PCDHGA3: variants seen among roughly 807,000 people sequenced by gnomAD.
PCDHGA3 encodes the protein protocadherin gamma subfamily A, 3.
A neutral mutation model predicts 58.5 loss-of-function variants in PCDHGA3; 40 were observed. The ratio of observed to expected loss-of-function variants is 0.68; its 90% CI spans 0.53 to 0.89. The LOEUF (loss-of-function observed/expected upper bound fraction) is 0.89, where lower values mean the gene tolerates loss of function less well. PCDHGA3 is among the 40% of genes least tolerant of loss of function. The pLI is 0.00. For missense variants in PCDHGA3, 1,223 were observed against 1,195.9 expected, an observed-to-expected ratio of 1.02 and a Z score of -0.33; for synonymous variants, 530 against 525.7, an observed-to-expected ratio of 1.01 and a Z score of -0.11.
chr5:141,415,752 T>G lies in PCDHGA3; in HGVS notation c.2424+69295T>G, dbSNP rs981275270. ...GATGTTTATTAAGGTTTTTTTTTTT[T>G]TTTTTTTTTTTTTTTTTTTTACTTT... On this transcript the variant is annotated intron_variant, in intron 1 of 3. Transcript: ENST00000253812. 5.6e-5 allele frequency: 77 copies of G among 1,372,446 alleles called. No individual in the cohort carries two copies. In the East Asian group the frequency reaches 6.8e-4, roughly 12 times the overall value. 85.0% of individuals were successfully genotyped at this position (1,372,446 alleles called of 1,614,324 possible).
intron 1 of PCDHGA3, among the ~76,000 whole-genome samples, chr5:141,472,178 A>G (rs1337942457): frequency 6.6e-6 from 1 of 152,210 alleles, no homozygotes; most frequent in African/African-American, 2.4e-5. Flanking sequence ...AATATCCAGT[A>G]TTGGAATTTG....
intron 1 of PCDHGA3, chr5:141,419,306 C>A: frequency 1.9e-6 from 3 of 1,614,032 alleles, no homozygotes; most frequent in Non-Finnish European, 2.5e-6. Context: ...AGACTTCGGG[C>A]TCAACGGCCG....
chr5:141,346,365 A>G lies in PCDHGA3; in HGVS notation c.2332A>G (p.Thr778Ala), dbSNP rs777812377. The change falls in exon 1 of 4, where the codon ACG becomes GCG. Residue 778 changes from threonine (T) to alanine (A), a missense_variant. Physicochemically the swap from Thr to Ala is moderately conservative, Grantham distance 58. Transcript: ENST00000253812. ...TTTCCCCCAGCCCAACTATGCGGAC[A>G]CGCTCATCAGCCAGGAGAGCTGTGA... ...LIFPQPNYAD[T>A]LISQESCEKS... 2 of 1,614,246 alleles carry G rather than the reference A, an allele frequency of 1.2e-6. No individual in the cohort carries two copies.
At chr5:141,436,439 A>G (rs1481744238) in intron 1 of PCDHGA3, among the ~76,000 whole-genome samples, 5 of 152,208 alleles carry the variant, frequency 3.3e-5, no homozygotes, top group African/African-American at 1.2e-4. Flanking sequence ...TCTGGGGATT[A>G]CCTGATACCA....
intron 1 of PCDHGA3, chr5:141,356,491 C>A: frequency 6.2e-7 from 1 of 1,613,958 alleles, no homozygotes; most frequent in South Asian, 1.1e-5. Flanking sequence ...GGGAACTCCT[C>A]CACTGTCTAC....
intron 1 of PCDHGA3, chr5:141,388,986 A>G (rs756279125): frequency 2.5e-6 from 4 of 1,613,952 alleles, no homozygotes; most frequent in Non-Finnish European, 3.4e-6. Flanking sequence ...TGCTTTGCTC[A>G]AAGTCCGTGA....
chr5:141,489,636 C>A lies in PCDHGA3; in HGVS notation c.2425-5171C>A, dbSNP rs753380268. 3.8e-5 allele frequency: 62 copies of A among 1,614,074 alleles called. No individual in the cohort carries two copies. The highest frequency in any genetic ancestry group is 5.1e-5 in the Non-Finnish European group (60 of 1,180,038). ...TGGATCTCAATGACAACTCTCCTAG[C>A]TTTGCCACCCCTGAGCGAGAGATGC... is the stretch of plus-strand genomic sequence containing the variant. On this transcript the variant is annotated intron_variant, in intron 1 of 3. Coordinates refer to ENST00000253812, the MANE Select transcript of PCDHGA3 (RefSeq NM_018916.4). The surrounding 1 kb of genome is among the most constrained non-coding windows in gnomAD (Gnocchi z 4.5).
At chr5:141,389,405 G>T (rs758428464) in intron 1 of PCDHGA3, 1 of 1,613,496 alleles carries the variant, frequency 6.2e-7, no homozygotes, top group South Asian at 1.1e-5. Context: ...CCATAAGCGC[G>T]GAGAGCGGGG....
chr5:141,479,021 T>C (rs72790064), intron 1 of PCDHGA3, among the ~76,000 whole-genome samples: 1,892 of 152,352 alleles, frequency 0.012, 20 homozygotes, highest in Non-Finnish European at 0.018. Context: ...TAATTTTCCT[T>C]TGTTTATACA....
chr5:141,509,273 C>T (rs1026035086), intron 3 of PCDHGA3, among the ~76,000 whole-genome samples: 1 of 152,098 alleles, frequency 6.6e-6, no homozygotes, highest in Admixed American at 6.5e-5. Flanking sequence ...CTCTCGCTAC[C>T]CGCTCCCAGG....
At chr5:141,357,106 GAC>G in intron 1 of PCDHGA3, 1 of 1,613,886 alleles carries the variant, frequency 6.2e-7, no homozygotes, top group Non-Finnish European at 8.5e-7. Context: ...GCTGGACAGA[GAC>G]GCGCTCAAGC....
At chr5:141,394,982 C>CCTGCTCCA (rs2093142772) in intron 1 of PCDHGA3, 2 of 1,613,866 alleles carry the variant, frequency 1.2e-6, no homozygotes, top group South Asian at 2.2e-5. Flanking sequence ...ACAAGTCACG[C>CCTGCTCCA]CTGCTCCAGG....
chr5:141,478,711 T>C, intron 1 of PCDHGA3: 3 of 1,547,346 alleles, frequency 1.9e-6, no homozygotes, highest in Non-Finnish European at 1.7e-6. Flanking sequence ...CTTTGTGAGA[T>C]GGTGGCCTGC....
At chr5:141,399,376 A>T in intron 1 of PCDHGA3, 1 of 1,613,956 alleles carries the variant, frequency 6.2e-7, no homozygotes, top group Non-Finnish European at 8.5e-7. Context: ...GTACAATGTC[A>T]CCATCACAGC....
intron 1 of PCDHGA3, chr5:141,350,423 A>G: frequency 6.2e-7 from 1 of 1,607,140 alleles, no homozygotes; most frequent in East Asian, 2.2e-5. Context: ...TCTGGGGCTC[A>G]GTGTCCGGGA....
chr5:141,404,289 A>G (rs552765425), intron 1 of PCDHGA3: 15 of 1,614,006 alleles, frequency 9.3e-6, no homozygotes, highest in East Asian at 4.5e-5. Flanking sequence ...ACTGACATCA[A>G]TGATAATCCA....
intron 1 of PCDHGA3, chr5:141,423,648 G>A (rs1291261924): frequency 2.5e-6 from 4 of 1,590,008 alleles, no homozygotes; most frequent in Middle Eastern, 1.7e-4. Flanking sequence ...AATGTGACCC[G>A]ACAAGTAATC....
chr5:141,499,570 A>G (rs1027373056), intron 2 of PCDHGA3, among the ~76,000 whole-genome samples: 2 of 152,200 alleles, frequency 1.3e-5, no homozygotes, highest in African/African-American at 4.8e-5. Context: ...TCCAGCTTCA[A>G]CTAATGCCTT....
At chr5:141,475,491 C>T (rs1321482409) in intron 1 of PCDHGA3, among the ~76,000 whole-genome samples, 2 of 152,202 alleles carry the variant, frequency 1.3e-5, no homozygotes, top group African/African-American at 4.8e-5. Flanking sequence ...AGAGATAAAA[C>T]TGAAATTATT....
Sources: allele counts gnomAD v4.1 joint callset (sites outside exome capture counted in the v4.1 genomes callset), GRCh38; gene constraint gnomAD v4.1.1; non-coding constraint Gnocchi (gnomAD v3.1); transcripts MANE v1.5; gene names NCBI Gene and HGNC (gene_info 2026-07-23, HGNC 2026-07-21).